KLC1: variants seen among roughly 807,000 people sequenced by gnomAD.
KLC1 encodes the protein kinesin 2 60/70kDa.
In KLC1, 30 loss-of-function variants were observed where a neutral mutation model predicts 84.2. That is an observed-to-expected ratio of 0.36 (90% CI 0.27 to 0.48). The LOEUF (loss-of-function observed/expected upper bound fraction) is 0.48. KLC1 is among the 20% of genes least tolerant of loss of function. KLC1 has a pLI of 0.99. For missense variants in KLC1, 499 were observed against 805.4 expected (o/e 0.62, Z 4.60); for synonymous variants, 289 against 293.3 (o/e 0.99, Z 0.15).
intron 15 of KLC1, among the ~76,000 whole-genome samples, chr14:103,699,769 C>G (rs1389856037): frequency 1.3e-5 from 2 of 152,178 alleles, no homozygotes; most frequent in Non-Finnish European, 2.9e-5. Flanking sequence ...ACTATAGAAG[C>G]TTCAGGCTCA....
At chr14:103,688,123 C>G (rs1334959984) in intron 14 of KLC1, 1 of 152,174 alleles carries the variant, frequency 6.6e-6, no homozygotes, top group Non-Finnish European at 1.5e-5. Flanking sequence ...AAGTTATGTG[C>G]CTGATCAGTT....
At chr14:103,687,700 C>G (rs879202961) in intron 14 of KLC1, 1 of 151,956 alleles carries the variant, frequency 6.6e-6, no homozygotes, top group Non-Finnish European at 1.5e-5. Context: ...ACTTTTAAGA[C>G]TTTATTATAA....
rs954306903 is a variant in KLC1 at position 103,692,495 on chromosome 14, ACTCGGCCCCTG to A, written c.1848+85_1848+95del. On this transcript the variant is annotated intron_variant, in intron 15 of 16. Coordinates refer to ENST00000334553, the MANE Select transcript of KLC1 (RefSeq NM_001394837.1). ...GCTGGCAGGTCTGCTGCAGACCCGC[ACTCGGCCCCTG>A]CTCGGCCCCTGCTCCTGCAGAGGGC... 1.6e-4 allele frequency: 209 copies of A among 1,335,352 alleles called. 1 individual carries two copies. The Middle Eastern group carries it at 2.0e-3, about 13-fold the overall frequency. The allele number at this position is 1,335,352 out of a possible 1,614,324, so 82.7% of individuals were successfully genotyped here.
In KLC1 at chr14:103,700,647, A is replaced by C; in HGVS notation, c.1849-8A>C. ...CCTGAGTGAAACTCGTCTGTGCTTCATCTCCAGGGCGTCTCTGGCCGAGCC... is the reference window on the plus strand; with the variant it reads ...CCTGAGTGAAACTCGTCTGTGCTTCCTCTCCAGGGCGTCTCTGGCCGAGCC... On this transcript the variant is annotated splice_region_variant and splice_polypyrimidine_tract_variant and intron_variant, in intron 15 of 16. Coordinates refer to ENST00000334553, the MANE Select transcript of KLC1 (RefSeq NM_001394837.1). 1 of 1,605,058 alleles carries C rather than the reference A, an allele frequency of 6.2e-7. No homozygotes were observed. The highest frequency in any genetic ancestry group is 8.5e-7 in the Non-Finnish European group (1 of 1,176,716).
rs764366128 is a variant in KLC1, at chr14:103,701,238, G to A, written c.*39G>A. 36 of 1,548,480 alleles carry A rather than the reference G, an allele frequency of 2.3e-5. No individual in the cohort carries two copies. The highest frequency in any genetic ancestry group is 2.8e-5 in the Non-Finnish European group (32 of 1,145,286). ...GGCCCCGCTCCAGGATGGGACTGCC[G>A]AGTGTGGCCCGGAGCTGGCCCGGGA... On this transcript the variant is annotated 3_prime_UTR_variant, in exon 17 of 17. Transcript: ENST00000334553.
At chr14:103,700,805 G>T (rs569905965) in intron 16 of KLC1, 78 bp downstream of exon 16, 5 of 1,223,794 alleles carry the variant, frequency 4.1e-6, no homozygotes, top group Non-Finnish European at 5.6e-6. Flanking sequence ...GGACTGGGGG[G>T]AGCTGGGGAT....
chr14:103,684,049 G>A (rs879936997), intron 13 of KLC1: 8 of 152,232 alleles, frequency 5.3e-5, no homozygotes, highest in South Asian at 2.1e-4. Context: ...ATGGTCGTGC[G>A]CGCCTGTAAT....
chr14:103,647,382 C>T (rs1463124751), intron 1 of KLC1, among the ~76,000 whole-genome samples: 1 of 151,696 alleles, frequency 6.6e-6, no homozygotes, highest in African/African-American at 2.4e-5. Context: ...TGCCACCACA[C>T]CCAGCTAATT....
At chr14:103,655,915 C>T (rs571728155) in intron 2 of KLC1, among the ~76,000 whole-genome samples, 47 of 152,216 alleles carry the variant, frequency 3.1e-4, no homozygotes, top group African/African-American at 1.1e-3. Context: ...ATTTGGCTGC[C>T]AGTATCAAAA....
At position 103,687,242 on chromosome 14, in the gene KLC1, CT is replaced by C. The variant is rs1201333636; in HGVS notation, c.1781+32del. The C allele has an allele frequency of 6.0e-6, 9 of 1,510,686 alleles. No individual in the cohort carries two copies. In the Admixed American group the frequency reaches 1.0e-4, roughly 17 times the overall value. The allele number at this position is 1,510,686 out of a possible 1,614,324, so 93.6% of individuals were successfully genotyped here. On this transcript the variant is annotated intron_variant, in intron 14 of 16. Transcript: ENST00000334553. ...TATCTCTTCCAGCTCTCCCGACTCCCTGCACGCCGGCTGCTGGGCCGCTTCT... is the reference window on the plus strand; with the variant it reads ...TATCTCTTCCAGCTCTCCCGACTCCCGCACGCCGGCTGCTGGGCCGCTTCT...
At chr14:103,679,762 A>C in intron 13 of KLC1, 1 of 519,120 alleles carries the variant, frequency 1.9e-6, no homozygotes, top group Non-Finnish European at 3.4e-6. Flanking sequence ...TGTTTGGCTT[A>C]ACTTTGAGCA....
At chr14:103,667,953 C>T (rs893646749) in intron 5 of KLC1, among the ~76,000 whole-genome samples, 4 of 152,204 alleles carry the variant, frequency 2.6e-5, no homozygotes, top group Non-Finnish European at 4.4e-5. Context: ...TTCTGTTTTA[C>T]TCCAATCAAG....
At chr14:103,699,315 C>A in intron 15 of KLC1, 1 of 1,556,704 alleles carries the variant, frequency 6.4e-7, no homozygotes, top group Non-Finnish European at 8.7e-7. Context: ...GCTTCCGCAT[C>A]CTGGCTAAAA....
chr14:103,646,733 C>T (rs1190473126), intron 1 of KLC1, among the ~76,000 whole-genome samples: 1 of 152,030 alleles, frequency 6.6e-6, no homozygotes. Flanking sequence ...CTTCAGCCTC[C>T]CAAGTAGCTG....
At chr14:103,655,950 C>G (rs1010719732) in intron 2 of KLC1, among the ~76,000 whole-genome samples, 1 of 152,160 alleles carries the variant, frequency 6.6e-6, no homozygotes, top group Non-Finnish European at 1.5e-5. Flanking sequence ...GCTTAAACCA[C>G]AAGATGTTTG....
intron 3 of KLC1, among the ~76,000 whole-genome samples, chr14:103,659,801 G>C (rs1372241802): frequency 2.0e-5 from 3 of 152,022 alleles, no homozygotes; most frequent in African/African-American, 7.2e-5. Flanking sequence ...GGGCTGGATG[G>C]CTTAACATTT....
chr14:103,639,541 C>G (rs1375273235), intron 1 of KLC1, among the ~76,000 whole-genome samples: 1 of 152,190 alleles, frequency 6.6e-6, no homozygotes, highest in Admixed American at 6.6e-5. Context: ...CTCCCAGGCT[C>G]AAACAATCCT....
At chr14:103,684,165 A>G (rs1334347847) in intron 13 of KLC1, 1 of 152,298 alleles carries the variant, frequency 6.6e-6, no homozygotes, top group African/African-American at 2.4e-5. Context: ...TGACAGAGCC[A>G]GAATCTGTCT....
At chr14:103,687,460 A>C (rs553026391) in intron 14 of KLC1, 33 of 185,182 alleles carry the variant, frequency 1.8e-4, no homozygotes, top group Admixed American at 1.0e-3. Context: ...GAATTTTTTG[A>C]TTCTGTCACA....
Sources: allele counts gnomAD v4.1 joint callset (sites outside exome capture counted in the v4.1 genomes callset), GRCh38; gene constraint gnomAD v4.1.1; transcripts MANE v1.5; gene names NCBI Gene and HGNC (gene_info 2026-07-23, HGNC 2026-07-21).